Variants in NFIX observed in about 807,000 individuals in gnomAD.
The protein encoded by NFIX is nuclear factor 1 X-type.
Under a neutral mutation model 53.3 loss-of-function variants are expected in NFIX, and 2 were observed. The ratio of observed to expected loss-of-function variants is 0.04; its 90% CI spans 0.02 to 0.12. The LOEUF is 0.12. NFIX is among the 10% of genes least tolerant of loss of function. The probability of loss-of-function intolerance (pLI) is 1.00; values close to 1 mark genes in which losing one functional copy is unlikely to be tolerated. For synonymous variants in NFIX, 244 were observed against 289.0 expected (o/e 0.84, Z 1.58); for missense variants, 310 against 674.5 (o/e 0.46, Z 5.99).
rs1450644508 is a variant in NFIX at position 13,051,928 on chromosome 19, G to T, written c.560-21119G>T. Among the ~76,000 whole-genome samples, 1 of 152,178 alleles carries T rather than the reference G, an allele frequency of 6.6e-6. No individual in the cohort carries two copies. The highest frequency in any genetic ancestry group is 2.4e-5 in the African/African-American group (1 of 41,444). On this transcript the variant is annotated intron_variant, in intron 2 of 10. Transcript: ENST00000592199. The surrounding 1 kb of genome is among the most constrained non-coding windows in gnomAD (Gnocchi z 5.1). ...TTAGGCGCCGCCTCCTCCTCACAGC[G>T]CCCGCCTTCTCCGCTCCGGCTTCAT...
intron 2 of NFIX, chr19:13,069,643 G>A (rs1241143767): frequency 6.6e-6 from 1 of 152,344 alleles, no homozygotes; most frequent in African/African-American, 2.4e-5. Flanking sequence ...GACTGAGTGG[G>A]AGGCCCGGCC....
At position 12,998,735 on chromosome 19, in the gene NFIX, G is replaced by A. The variant is rs1255654868; in HGVS notation, c.27+2871G>A. ...TGTCCAGACCCACGACCATCGACGA[G>A]CCTACAGACCTACGGACACAGGAAA... On this transcript the variant is annotated intron_variant, in intron 1 of 10. Transcript: ENST00000592199. The surrounding 1 kb of genome is among the most constrained non-coding windows in gnomAD (Gnocchi z 4.4). Among the ~76,000 whole-genome samples the A allele has an allele frequency of 6.6e-6, 1 of 152,144 alleles. No individual in the cohort carries two copies. The highest frequency in any genetic ancestry group is 2.4e-5 in the African/African-American group (1 of 41,418).
At chr19:13,038,623 T>C (rs2014380119) in intron 2 of NFIX, among the ~76,000 whole-genome samples, 2 of 152,230 alleles carry the variant, frequency 1.3e-5, no homozygotes, top group African/African-American at 2.4e-5. Flanking sequence ...TGAAATGTAA[T>C]CATGAAAGCA....
At chr19:13,085,339 G>A (rs1045118852) in intron 8 of NFIX, among the ~76,000 whole-genome samples, 4 of 152,142 alleles carry the variant, frequency 2.6e-5, no homozygotes, top group Non-Finnish European at 5.9e-5. Flanking sequence ...GATACTCCTC[G>A]GGGAGACAGG....
At chr19:13,048,845 G>A (rs2015152081) in intron 2 of NFIX, among the ~76,000 whole-genome samples, 1 of 152,242 alleles carries the variant, frequency 6.6e-6, no homozygotes, top group African/African-American at 2.4e-5. Flanking sequence ...GGCCAAGGCA[G>A]GCAGATCACT....
At position 13,073,515 on chromosome 19, in the gene NFIX, C is replaced by G; in HGVS notation, c.697+19C>G. 1.9e-6 allele frequency: 3 copies of G among 1,607,496 alleles called. No individual in the cohort carries two copies. The highest frequency in any genetic ancestry group is 2.6e-6 in the Non-Finnish European group (3 of 1,174,028). ...TCACAGAGTAAGTGAGTCCTTCCTT[C>G]CAGGCCAGGGATGGGGATTGAAAGT... On this transcript the variant is annotated intron_variant, in intron 4 of 10. Coordinates refer to ENST00000592199, the MANE Select transcript of NFIX (RefSeq NM_001365902.3). This position sits in a 1 kb window ranked among gnomAD's most constrained non-coding sequence, Gnocchi z 4.5.
intron 2 of NFIX, among the ~76,000 whole-genome samples, chr19:13,062,446 C>T (rs2016149008): frequency 6.6e-6 from 1 of 152,198 alleles, no homozygotes; most frequent in Admixed American, 6.5e-5. Flanking sequence ...TCCACTGCAG[C>T]TGTGCTTTGA....
chr19:13,015,781 A>T (rs2012626209), intron 1 of NFIX, among the ~76,000 whole-genome samples: 1 of 146,278 alleles, frequency 6.8e-6, no homozygotes, highest in Non-Finnish European at 1.5e-5. Context: ...TTGGGCAGGC[A>T]TAGAGAGATC....
chr19:13,010,258 G>C (rs1367099191), intron 1 of NFIX, among the ~76,000 whole-genome samples: 2 of 152,176 alleles, frequency 1.3e-5, no homozygotes, highest in African/African-American at 2.4e-5. Context: ...AGCTGGGTCC[G>C]GACGGCGGCC....
chr19:13,060,008 G>A lies in NFIX; in HGVS notation c.560-13039G>A, dbSNP rs918211856. 2.0e-5 allele frequency among the ~76,000 whole-genome samples: 3 copies of A among 151,778 alleles called. No individual in the cohort carries two copies. The highest frequency in any genetic ancestry group is 7.3e-5 in the African/African-American group (3 of 41,330). ...CACCATTGTTGCCCTGGGTGGTCTC[G>A]AACTCCTGAGCTCAGGCGATCCACT... On this transcript the variant is annotated intron_variant, in intron 2 of 10. Transcript: ENST00000592199. This position sits in a 1 kb window ranked among gnomAD's most constrained non-coding sequence, Gnocchi z 4.3.
At chr19:13,020,613 T>C (rs2012914863) in intron 1 of NFIX, among the ~76,000 whole-genome samples, 1 of 152,142 alleles carries the variant, frequency 6.6e-6, no homozygotes, top group Non-Finnish European at 1.5e-5. Flanking sequence ...TTGACAATTG[T>C]TCTTCCTCCA....
intron 2 of NFIX, among the ~76,000 whole-genome samples, chr19:13,048,407 G>A (rs1013315259): frequency 2.0e-5 from 3 of 151,900 alleles, no homozygotes; most frequent in African/African-American, 7.3e-5. Flanking sequence ...ACCACAGGCC[G>A]GTGAAAGGGC....
At position 13,037,401 on chromosome 19, in the gene NFIX, C is replaced by T. The variant is rs892562396; in HGVS notation, c.559+11849C>T. On this transcript the variant is annotated intron_variant, in intron 2 of 10. Transcript: ENST00000592199. The surrounding 1 kb of genome is among the most constrained non-coding windows in gnomAD (Gnocchi z 4.2). ...TAAGAAATATGTGAGCAATTTGATG[C>T]GGATCTCAGAGAGCCTCGTGGAAGT... Among the ~76,000 whole-genome samples, 71 of 152,286 alleles carry T rather than the reference C, an allele frequency of 4.7e-4. 1 individual carries two copies. Among genetic ancestry groups the T allele is most frequent in the African/African-American group, 1.3e-3 (53 of 41,564 alleles).
intron 2 of NFIX, among the ~76,000 whole-genome samples, chr19:13,064,759 C>T (rs1290388733): frequency 6.6e-6 from 1 of 152,188 alleles, no homozygotes; most frequent in Non-Finnish European, 1.5e-5. Context: ...CACAGCTTCC[C>T]CCACCAGGGT....
rs2018023452 is a variant in NFIX at position 13,089,743 on chromosome 19, A to C, written c.1403-556A>C. On this transcript the variant is annotated intron_variant, in intron 9 of 10. Coordinates refer to ENST00000592199, the MANE Select transcript of NFIX (RefSeq NM_001365902.3). This position sits in a 1 kb window ranked among gnomAD's most constrained non-coding sequence, Gnocchi z 4.8. Reference sequence around the variant, plus strand: ...TGCCCAGAGTGGTAAGAGGTGTAGCATCTAGCTAGGCCACCCAGGTTGGAG... The same window carrying C: ...TGCCCAGAGTGGTAAGAGGTGTAGCCTCTAGCTAGGCCACCCAGGTTGGAG... Among the ~76,000 whole-genome samples, 2 of 152,174 alleles carry C rather than the reference A, an allele frequency of 1.3e-5. No homozygotes were observed. The highest frequency in any genetic ancestry group is 1.3e-4 in the Admixed American group (2 of 15,280).
intron 5 of NFIX, among the ~76,000 whole-genome samples, chr19:13,074,262 C>T (rs1044221154): frequency 1.1e-4 from 16 of 152,152 alleles, no homozygotes; most frequent in African/African-American, 3.6e-4. Flanking sequence ...CAAGGCATCG[C>T]TTTGCCTGGA....
chr19:13,080,637 G>A (rs1052574229), intron 7 of NFIX, among the ~76,000 whole-genome samples: 1 of 152,036 alleles, frequency 6.6e-6, no homozygotes, highest in Non-Finnish European at 1.5e-5. Flanking sequence ...CCAGGAGTTC[G>A]AGGCTGCAGC....
At chr19:13,034,320 C>G (rs2014025803) in intron 2 of NFIX, among the ~76,000 whole-genome samples, 1 of 152,212 alleles carries the variant, frequency 6.6e-6, no homozygotes, top group Non-Finnish European at 1.5e-5. Context: ...ACACTGGCCT[C>G]CCTCCCTCCT....
intron 2 of NFIX, among the ~76,000 whole-genome samples, chr19:13,050,063 G>T (rs1054333930): frequency 2.0e-5 from 3 of 152,170 alleles, no homozygotes; most frequent in African/African-American, 7.2e-5. Flanking sequence ...ATTCTCTAGG[G>T]TATATACTTA....
Sources: gnomAD v4.1 joint callset for allele counts (sites outside exome capture counted in the v4.1 genomes callset) on GRCh38, gnomAD v4.1.1 for gene constraint, Gnocchi (gnomAD v3.1) non-coding constraint, MANE v1.5 for transcripts, NCBI Gene and HGNC (gene_info 2026-07-23, HGNC 2026-07-21) for gene names.